The following ACER3 variants were observed in gnomAD, a reference collection of about 807,000 sequenced individuals.
ACER3 encodes the protein alkaline ceramidase 3.
ACER3 carries 16 observed loss-of-function variants against 48.9 expected under a neutral mutation model. That is an observed-to-expected ratio of 0.33 (90% CI 0.22 to 0.50). The LOEUF (loss-of-function observed/expected upper bound fraction) is 0.50. Among genes scored for constraint, ACER3 ranks in the 20% least tolerant of loss-of-function variants. The pLI, the probability that ACER3 is intolerant of heterozygous loss-of-function variation, is 0.98. For synonymous variants in ACER3, 109 were observed against 107.8 expected (o/e 1.01, Z -0.07); for missense variants, 227 against 326.0 (o/e 0.70, Z 2.34).
chr11:76,867,771 A>G (rs977480911), intron 1 of ACER3, among the ~76,000 whole-genome samples: 3 of 152,218 alleles, frequency 2.0e-5, no homozygotes, highest in Admixed American at 2.0e-4. Context: ...TATGACTTTC[A>G]TGGATGGGAA....
At chr11:76,917,622 C>T (rs1946568265) in intron 1 of ACER3, among the ~76,000 whole-genome samples, 1 of 151,888 alleles carries the variant, frequency 6.6e-6, no homozygotes, top group Non-Finnish European at 1.5e-5. Context: ...TTTGGGAGGC[C>T]AAGGTGGGAG....
At chr11:76,953,588 ACT>A (rs991384683) in intron 2 of ACER3, among the ~76,000 whole-genome samples, 1 of 152,044 alleles carries the variant, frequency 6.6e-6, no homozygotes, top group Non-Finnish European at 1.5e-5. Flanking sequence ...ACAGAGTGAG[ACT>A]CTGTCTCAAA....
intron 1 of ACER3, among the ~76,000 whole-genome samples, chr11:76,885,702 C>G (rs1488084305): frequency 6.6e-6 from 1 of 152,052 alleles, no homozygotes; most frequent in Non-Finnish European, 1.5e-5. Context: ...GTACGTGACC[C>G]TGGGGTAATT....
intron 1 of ACER3, among the ~76,000 whole-genome samples, chr11:76,873,265 A>G (rs1393655404): frequency 6.6e-6 from 1 of 152,100 alleles, no homozygotes; most frequent in Non-Finnish European, 1.5e-5. Context: ...TGGAGACTAC[A>G]CTTGGAGAAA....
chr11:76,885,839 G>A (rs1291285983), intron 1 of ACER3, among the ~76,000 whole-genome samples: 1 of 152,098 alleles, frequency 6.6e-6, no homozygotes, highest in Non-Finnish European at 1.5e-5. Context: ...GCTCTGGGAG[G>A]AGCAATTCCA....
At chr11:77,011,082 G>A (rs1949254042) in intron 7 of ACER3, among the ~76,000 whole-genome samples, 1 of 152,220 alleles carries the variant, frequency 6.6e-6, no homozygotes, top group African/African-American at 2.4e-5. Flanking sequence ...TAAGGTGCAG[G>A]TGATGGAAAG....
chr11:76,991,814 T>TTA (rs1157854876), intron 6 of ACER3, among the ~76,000 whole-genome samples: 1 of 15,474 alleles, frequency 6.5e-5, no homozygotes, highest in African/African-American at 2.0e-4. Context: ...AAACTCTGTC[T>TTA]CAAAAAAAAA....
chr11:76,883,766 T>G (rs1258670451), intron 1 of ACER3, among the ~76,000 whole-genome samples: 1 of 152,160 alleles, frequency 6.6e-6, no homozygotes, highest in Non-Finnish European at 1.5e-5. Context: ...TTTAACTTGT[T>G]TAGCAATTTC....
chr11:76,905,291 ATC>A (rs1946197677), intron 1 of ACER3, among the ~76,000 whole-genome samples: 1 of 152,264 alleles, frequency 6.6e-6, no homozygotes, highest in African/African-American at 2.4e-5. Flanking sequence ...ACATTTCTCT[ATC>A]AAAAGTGAAA....
intron 1 of ACER3, among the ~76,000 whole-genome samples, chr11:76,866,009 A>T (rs1945080608): frequency 2.1e-5 from 3 of 143,378 alleles, no homozygotes; most frequent in Non-Finnish European, 1.5e-5. Flanking sequence ...TTTTTTTGGT[A>T]GAGATGGGGT....
At chr11:76,886,673 A>G (rs1026552124) in intron 1 of ACER3, among the ~76,000 whole-genome samples, 1 of 152,116 alleles carries the variant, frequency 6.6e-6, no homozygotes, top group Non-Finnish European at 1.5e-5. Context: ...TCAAGGTACT[A>G]TGGGGGTTTT....
chr11:76,974,773 G>A (rs1308139257), intron 3 of ACER3, among the ~76,000 whole-genome samples: 1 of 72,842 alleles, frequency 1.4e-5, no homozygotes, highest in African/African-American at 4.3e-5. Flanking sequence ...TGTATGAAGG[G>A]GTTAAAAAAA....
rs149721948 is a variant in ACER3, at chr11:76,879,191, T to C, written c.103+18112T>C. The stretch of plus-strand genomic sequence containing the variant: ...TCTAATTGATCAGCTTTTTCTCTTA[T>C]GGTTATTGCTTTTCATAGCTTGTCT... On this transcript the variant is annotated intron_variant, in intron 1 of 10. Transcript: ENST00000532485. Among the ~76,000 whole-genome samples, 237 of 152,258 alleles carry C rather than the reference T, an allele frequency of 1.6e-3. 2 individuals are homozygous for C. The highest frequency in any genetic ancestry group is 5.0e-3 in the East Asian group (26 of 5,188).
intron 1 of ACER3, among the ~76,000 whole-genome samples, chr11:76,890,579 T>G (rs932425259): frequency 6.6e-6 from 1 of 152,214 alleles, no homozygotes; most frequent in Non-Finnish European, 1.5e-5. Context: ...CAGAACCATT[T>G]TCCAGACTGA....
intron 2 of ACER3, among the ~76,000 whole-genome samples, chr11:76,950,891 T>C (rs1222032630): frequency 2.0e-5 from 3 of 152,214 alleles, no homozygotes; most frequent in Non-Finnish European, 2.9e-5. Context: ...TTTTCTGTCT[T>C]TTCCTGAATT....
At chr11:77,016,824 T>G (rs1375118502) in intron 9 of ACER3, 45 bp downstream of exon 9, 1 of 1,038,670 alleles carries the variant, frequency 9.6e-7, no homozygotes, top group African/African-American at 3.6e-5. Context: ...AGTTTGTTGT[T>G]TTTTTTTTTC....
chr11:76,899,235 G>A (rs1590900049), intron 1 of ACER3, among the ~76,000 whole-genome samples: 1 of 152,232 alleles, frequency 6.6e-6, no homozygotes, highest in Non-Finnish European at 1.5e-5. Context: ...ACCATACTAA[G>A]CACCTTATTA....
intron 2 of ACER3, among the ~76,000 whole-genome samples, chr11:76,941,489 A>T (rs940370038): frequency 6.6e-6 from 1 of 151,892 alleles, no homozygotes; most frequent in Non-Finnish European, 1.5e-5. Context: ...TTTTATTTTT[A>T]TTTATTATTA....
At chr11:77,011,433 T>C in intron 7 of ACER3, 1 of 950,764 alleles carries the variant, frequency 1.1e-6, no homozygotes, top group East Asian at 1.2e-4. Flanking sequence ...ATCATATTCC[T>C]GTCATATTTC....
Sources: allele counts gnomAD v4.1 joint callset (sites outside exome capture counted in the v4.1 genomes callset), GRCh38; gene constraint gnomAD v4.1.1; transcripts MANE v1.5; gene names NCBI Gene and HGNC (gene_info 2026-07-23, HGNC 2026-07-21).